MAGI2: variants seen among roughly 807,000 people sequenced by gnomAD.
The protein encoded by MAGI2 is membrane-associated guanylate kinase, WW and PDZ domain-containing protein 2.
In MAGI2, 35 loss-of-function variants were observed where a neutral mutation model predicts 133.3. That is an observed-to-expected ratio of 0.26 (90% CI 0.20 to 0.35). MAGI2 has a LOEUF of 0.35. Among genes scored for constraint, MAGI2 ranks in the 10% least tolerant of loss-of-function variants. The pLI, the probability that MAGI2 is intolerant of heterozygous loss-of-function variation, is 1.00. For missense variants in MAGI2, 1,636 were observed against 1,863.4 expected (o/e 0.88, Z 2.25); for synonymous variants, 729 against 710.6 (o/e 1.03, Z -0.41).
chr7:78,156,941 G>T (rs1161498439), intron 16 of MAGI2, among the ~76,000 whole-genome samples: 1 of 152,162 alleles, frequency 6.6e-6, no homozygotes, highest in Non-Finnish European at 1.5e-5. Context: ...CTCTGGGAAT[G>T]ATCGTGATTC....
At chr7:79,352,002 C>A (rs17152382) in intron 1 of MAGI2, 1 of 151,942 alleles carries the variant, frequency 6.6e-6, no homozygotes, top group Admixed American at 6.6e-5. Context: ...TATTGAAATG[C>A]GTTCCCTTTT....
At chr7:79,123,720 A>T (rs1820120495) in intron 1 of MAGI2, among the ~76,000 whole-genome samples, 1 of 131,696 alleles carries the variant, frequency 7.6e-6, no homozygotes, top group African/African-American at 2.8e-5. Context: ...CGGGAGGCAG[A>T]GGTTGCAGTG....
chr7:78,589,066 A>G (rs1803712938), intron 3 of MAGI2, among the ~76,000 whole-genome samples: 2 of 152,144 alleles, frequency 1.3e-5, no homozygotes, highest in Admixed American at 1.3e-4. Flanking sequence ...TTTATCTCAA[A>G]AAGAATTGCT....
chr7:78,407,188 G>C (rs940177463), intron 6 of MAGI2, among the ~76,000 whole-genome samples: 8 of 152,012 alleles, frequency 5.3e-5, no homozygotes, highest in Non-Finnish European at 1.0e-4. Context: ...AGAAAGGAAG[G>C]ATCCGAAGTC....
intron 1 of MAGI2, among the ~76,000 whole-genome samples, chr7:79,078,498 C>T (rs1450651014): frequency 6.6e-6 from 1 of 152,166 alleles, no homozygotes; most frequent in Admixed American, 6.5e-5. Flanking sequence ...AAAATCCATT[C>T]TAAAGTTGGA....
At chr7:78,621,520 A>T (rs1190638772) in intron 3 of MAGI2, among the ~76,000 whole-genome samples, 6 of 152,048 alleles carry the variant, frequency 3.9e-5, no homozygotes, top group Non-Finnish European at 5.9e-5. Flanking sequence ...ATCATGGCCA[A>T]GTCCCCCAGG....
At chr7:78,744,228 G>A (rs536104437) in intron 2 of MAGI2, among the ~76,000 whole-genome samples, 42 of 151,844 alleles carry the variant, frequency 2.8e-4, no homozygotes, top group African/African-American at 8.2e-4. Context: ...TTTTTTCCAC[G>A]CTAATTTTAT....
At position 78,019,583 on chromosome 7, in the gene MAGI2, T is replaced by C; in HGVS notation, c.4100A>G (p.Glu1367Gly). The C allele has an allele frequency of 1.0e-6, 1 of 979,770 alleles. No homozygotes were observed. The highest frequency in any genetic ancestry group is 1.2e-6 in the Non-Finnish European group (1 of 828,106). 60.7% of individuals were successfully genotyped at this position (979,770 alleles called of 1,614,324 possible). The change falls in exon 22 of 22, where the codon GAG becomes GGG. Residue 1367 changes from glutamate to glycine, a missense_variant. By Grantham distance (98) the Glu-to-Gly change is moderately conservative. Coordinates refer to ENST00000354212, the MANE Select transcript of MAGI2 (RefSeq NM_012301.4). Reference sequence around the variant, plus strand: ...GGAGCCCGCCGCCGCACGGGGCGCCTCCTTCCCGCCCGCCCGCGCCGCGTC... The same window carrying C: ...GGAGCCCGCCGCCGCACGGGGCGCCCCCTTCCCGCCCGCCCGCGCCGCGTC... ...AADAARAGGK[E>G]APRAAAGSEL... is the part of the protein sequence containing the mutation.
chr7:78,739,626 A>G (rs1822200574), intron 2 of MAGI2, among the ~76,000 whole-genome samples: 1 of 152,178 alleles, frequency 6.6e-6, no homozygotes, highest in Non-Finnish European at 1.5e-5. Context: ...TTTAGTTGAA[A>G]AAGCTTCTAT....
intron 10 of MAGI2, among the ~76,000 whole-genome samples, chr7:78,210,975 T>C (rs1430955832): frequency 3.3e-5 from 5 of 152,148 alleles, no homozygotes; most frequent in African/African-American, 1.2e-4. Flanking sequence ...AGCAGTGTCA[T>C]AGTGGCTACA....
chr7:78,419,521 T>G (rs1433409597), intron 6 of MAGI2, among the ~76,000 whole-genome samples: 1 of 151,058 alleles, frequency 6.6e-6, no homozygotes, highest in African/African-American at 2.4e-5. Flanking sequence ...TAGGGAGAAA[T>G]GAGTTAAGAA....
intron 2 of MAGI2, among the ~76,000 whole-genome samples, chr7:78,888,358 G>A (rs903738203): frequency 1.1e-4 from 16 of 152,182 alleles, no homozygotes; most frequent in Admixed American, 9.2e-4. Context: ...CAATGTCCCT[G>A]TCTGACAGCT....
chr7:79,315,895 A>G (rs931905441), intron 1 of MAGI2, among the ~76,000 whole-genome samples: 4 of 146,548 alleles, frequency 2.7e-5, no homozygotes. Flanking sequence ...AAAATGAAGG[A>G]GGAGTGGGAA....
chr7:78,579,418 T>C (rs77415356), intron 3 of MAGI2, among the ~76,000 whole-genome samples: 2,031 of 152,244 alleles, frequency 0.013, 38 homozygotes, highest in African/African-American at 0.046. Flanking sequence ...GCAGGAAAGC[T>C]CTTTGCCTTC....
chr7:78,344,073 C>G (rs1790659718), intron 8 of MAGI2, 113 bp from the exon 9 acceptor site: 3 of 844,774 alleles, frequency 3.6e-6, no homozygotes, highest in Non-Finnish European at 5.5e-6. Context: ...TGTGGGGGGT[C>G]TTATACAGCA....
intron 1 of MAGI2, among the ~76,000 whole-genome samples, chr7:79,135,992 AAAG>A (rs1301025654): frequency 1.3e-4 from 5 of 38,890 alleles, no homozygotes; most frequent in Non-Finnish European, 4.7e-4. Flanking sequence ...AGAAAGAAAG[AAAG>A]AAAGAAAGAG....
At chr7:78,723,598 G>C (rs1237458930) in intron 2 of MAGI2, among the ~76,000 whole-genome samples, 1 of 152,256 alleles carries the variant, frequency 6.6e-6, no homozygotes, top group East Asian at 1.9e-4. Context: ...AGAGGAAAGA[G>C]ACTAAGTTAG....
chr7:78,172,743 G>A (rs1826233924), intron 14 of MAGI2, among the ~76,000 whole-genome samples: 1 of 152,114 alleles, frequency 6.6e-6, no homozygotes, highest in Admixed American at 6.6e-5. Flanking sequence ...CCTTTAGTTG[G>A]GACCAAATCA....
At chr7:78,096,277 A>G (rs1817684044) in intron 20 of MAGI2, among the ~76,000 whole-genome samples, 1 of 152,190 alleles carries the variant, frequency 6.6e-6, no homozygotes, top group African/African-American at 2.4e-5. Flanking sequence ...AATATCACTT[A>G]TTAACTTAGA....
Sources: allele counts gnomAD v4.1 joint callset (sites outside exome capture counted in the v4.1 genomes callset), GRCh38; gene constraint gnomAD v4.1.1; transcripts MANE v1.5; gene names NCBI Gene and HGNC (gene_info 2026-07-23, HGNC 2026-07-21).